RBFOX3: variants seen among roughly 807,000 people sequenced by gnomAD.
The protein encoded by RBFOX3 is RNA binding fox-1 homolog 3.
A neutral mutation model predicts 48.7 loss-of-function variants in RBFOX3; 17 were observed. The ratio of observed to expected loss-of-function variants is 0.35; its 90% CI spans 0.24 to 0.52. RBFOX3 has a LOEUF of 0.52. Ranked by LOEUF, RBFOX3 falls within the 20% of genes least tolerant of loss-of-function variation. The probability of loss-of-function intolerance (pLI) is 0.94; values close to 1 mark genes in which losing one functional copy is unlikely to be tolerated. For synonymous variants in RBFOX3, 212 were observed against 209.5 expected, an observed-to-expected ratio of 1.01 and a Z score of -0.10; for missense variants, 382 against 497.5, an observed-to-expected ratio of 0.77 and a Z score of 2.21.
intron 2 of RBFOX3, among the ~76,000 whole-genome samples, chr17:79,470,865 T>C (rs1465577739): frequency 2.0e-5 from 3 of 152,182 alleles, no homozygotes; most frequent in Admixed American, 1.3e-4. Flanking sequence ...AGGTTTAATA[T>C]TTCCTCTCTT....
chr17:79,345,741 A>G (rs1221820181), intron 2 of RBFOX3, among the ~76,000 whole-genome samples: 1 of 152,034 alleles, frequency 6.6e-6, no homozygotes, highest in East Asian at 1.9e-4. Context: ...TGTATTGCCA[A>G]TATTTTCTTC....
At chr17:79,640,013 C>A in the RBFOX3 span, among the ~76,000 whole-genome samples, 1 of 152,092 alleles carries the variant, frequency 6.6e-6, no homozygotes, top group African/African-American at 2.4e-5. Context: ...GCATCCAAAT[C>A]AGAAAGAAGT....
chr17:79,313,750 C>T (rs1183406667), intron 2 of RBFOX3, among the ~76,000 whole-genome samples: 1 of 152,234 alleles, frequency 6.6e-6, no homozygotes, highest in Non-Finnish European at 1.5e-5. Flanking sequence ...CCCAGCAAGG[C>T]TCCTGGGGCA....
the RBFOX3 span, among the ~76,000 whole-genome samples, chr17:79,640,499 C>A: frequency 6.6e-6 from 1 of 152,008 alleles, no homozygotes; most frequent in African/African-American, 2.4e-5. Flanking sequence ...TCCTGAATAG[C>A]CAAGCAATTT....
chr17:79,266,425 C>T (rs2066716951), intron 3 of RBFOX3, among the ~76,000 whole-genome samples: 1 of 152,196 alleles, frequency 6.6e-6, no homozygotes, highest in Non-Finnish European at 1.5e-5. Context: ...TCTGTTGGGA[C>T]TGTTCCTTTT....
rs115357708 is a variant in RBFOX3, at chr17:79,421,835, C to T, written c.-175+60619G>A. ...AGAAGGGGAAGGAAGTGATCAGGTGCCGGAAGGCCCCGTGAGGGTGGCCCA... is the reference window on the plus strand; with the variant it reads ...AGAAGGGGAAGGAAGTGATCAGGTGTCGGAAGGCCCCGTGAGGGTGGCCCA... On this transcript the variant is annotated intron_variant, in intron 2 of 14. Coordinates refer to ENST00000693108, the MANE Select transcript of RBFOX3 (RefSeq NM_001350451.2). This position sits in a 1 kb window ranked among gnomAD's most constrained non-coding sequence, Gnocchi z 4.5. 5.3e-3 allele frequency among the ~76,000 whole-genome samples: 803 copies of T among 152,168 alleles called. 9 individuals carry two copies. Among genetic ancestry groups the T allele is most frequent in the African/African-American group, 0.019 (779 of 41,514 alleles).
rs138078765 is a variant in RBFOX3 at position 79,538,641 on chromosome 17, G to A, written c.-319-56043C>T. Reference sequence around the variant, plus strand: ...AGCAGTAGGGCAGTGACACATTCACGGAGGAACTCAACCACTGTGTGGTTC... The same window carrying A: ...AGCAGTAGGGCAGTGACACATTCACAGAGGAACTCAACCACTGTGTGGTTC... On this transcript the variant is annotated intron_variant, in intron 1 of 14. Transcript: ENST00000693108. Among the ~76,000 whole-genome samples the A allele has an allele frequency of 2.5e-3, 376 of 152,332 alleles. 1 individual carries two copies. The highest frequency in any genetic ancestry group is 2.4e-3 in the Non-Finnish European group (165 of 68,028).
chr17:79,422,253 G>A (rs1422926597), intron 2 of RBFOX3, among the ~76,000 whole-genome samples: 5 of 151,416 alleles, frequency 3.3e-5, no homozygotes, highest in African/African-American at 9.8e-5. Flanking sequence ...GCTGGCCCCC[G>A]ACAGCGGCAG....
rs561760423 is a variant in RBFOX3, at chr17:79,322,565, T to C, written c.-174-14741A>G. On this transcript the variant is annotated intron_variant, in intron 2 of 14. Transcript: ENST00000693108. ...TCGCTTTCACAGGGAAGATGGAACA[T>C]GTGTCACGCAGCATCCAAAGGCAAT... Among the ~76,000 whole-genome samples the C allele has an allele frequency of 4.6e-5, 7 of 152,214 alleles. No individual in the cohort carries two copies. In the South Asian group the frequency reaches 1.5e-3, roughly 32 times the overall value.
At chr17:79,303,851 C>CTCTGTGTGTGTGTG (rs1555657051) in intron 3 of RBFOX3, among the ~76,000 whole-genome samples, 25 of 147,876 alleles carry the variant, frequency 1.7e-4, no homozygotes, top group African/African-American at 5.7e-4. Flanking sequence ...GCATGTCTGC[C>CTCTGTGTGTGTGTG]TGTGTGTGTG....
At chr17:79,253,827 A>T (rs1247955113) in intron 3 of RBFOX3, among the ~76,000 whole-genome samples, 1 of 152,188 alleles carries the variant, frequency 6.6e-6, no homozygotes, top group Admixed American at 6.5e-5. Context: ...TTCACATGCC[A>T]TCATCTTTAA....
chr17:79,535,196 G>T lies in RBFOX3; in HGVS notation c.-319-52598C>A, dbSNP rs569911064. Among the ~76,000 whole-genome samples, 1 of 152,252 alleles carries T rather than the reference G, an allele frequency of 6.6e-6. No individual in the cohort carries two copies. The highest frequency in any genetic ancestry group is 2.4e-5 in the African/African-American group (1 of 41,558). ...GCCTGCTCTGCTACCCTCAATGTAG[G>T]CCTCCCCCTTGGGCTAGAAGCAGCA... On this transcript the variant is annotated intron_variant, in intron 1 of 14. Transcript: ENST00000693108. This position sits in a 1 kb window ranked among gnomAD's most constrained non-coding sequence, Gnocchi z 4.5.
At chr17:79,340,368 C>A (rs536972475) in intron 2 of RBFOX3, among the ~76,000 whole-genome samples, 2 of 152,000 alleles carry the variant, frequency 1.3e-5, no homozygotes, top group Non-Finnish European at 2.9e-5. Context: ...AGCCAGGCTG[C>A]CAGCAGCTGC....
At chr17:79,321,549 G>A (rs902143315) in intron 2 of RBFOX3, among the ~76,000 whole-genome samples, 1 of 152,222 alleles carries the variant, frequency 6.6e-6, no homozygotes, top group South Asian at 2.1e-4. Context: ...GGTGATGTGG[G>A]AGCTCTACCA....
At chr17:79,554,720 T>G (rs916455952) in intron 1 of RBFOX3, among the ~76,000 whole-genome samples, 8 of 152,384 alleles carry the variant, frequency 5.2e-5, no homozygotes, top group South Asian at 2.1e-4. Flanking sequence ...ACAGGGTGGA[T>G]AGTAATTTTG....
chr17:79,655,958 C>A, the RBFOX3 span, among the ~76,000 whole-genome samples: 2 of 152,172 alleles, frequency 1.3e-5, no homozygotes, highest in Non-Finnish European at 1.5e-5. Context: ...GGATGCCATT[C>A]TCTACCTTCT....
At chr17:79,282,393 A>G (rs2070766539) in intron 3 of RBFOX3, among the ~76,000 whole-genome samples, 1 of 152,200 alleles carries the variant, frequency 6.6e-6, no homozygotes, top group South Asian at 2.1e-4. Flanking sequence ...TTTTTAGAAA[A>G]GGGTTCTTTT....
intron 4 of RBFOX3, among the ~76,000 whole-genome samples, chr17:79,140,821 C>CT (rs931766617): frequency 1.6e-4 from 24 of 152,194 alleles, no homozygotes; most frequent in Non-Finnish European, 2.4e-4. Flanking sequence ...ACCCGGAATT[C>CT]TTTTTTTTGC....
intron 4 of RBFOX3, among the ~76,000 whole-genome samples, chr17:79,139,014 G>C (rs112379127): frequency 2.6e-5 from 3 of 116,538 alleles, no homozygotes; most frequent in Non-Finnish European, 5.2e-5. Flanking sequence ...CAGCACATGC[G>C]TTCATGCCCT....
Sources: allele counts gnomAD v4.1 joint callset (sites outside exome capture counted in the v4.1 genomes callset), GRCh38; gene constraint gnomAD v4.1.1; non-coding constraint Gnocchi (gnomAD v3.1); transcripts MANE v1.5; gene names NCBI Gene and HGNC (gene_info 2026-07-23, HGNC 2026-07-21).